Variants in CNTNAP2 observed in about 807,000 individuals in gnomAD.
The protein encoded by CNTNAP2 is contactin associated protein 2.
Under a neutral mutation model 155.2 loss-of-function variants are expected in CNTNAP2, and 98 were observed. The observed-to-expected ratio is 0.63, with a 90% CI of 0.54 to 0.75. The LOEUF (loss-of-function observed/expected upper bound fraction) is 0.75, where lower values mean the gene tolerates loss of function less well. CNTNAP2 is among the 30% of genes least tolerant of loss of function. CNTNAP2 has a pLI of 0.00. For synonymous variants in CNTNAP2, 651 were observed against 631.2 expected (o/e 1.03, Z -0.47); for missense variants, 1,727 against 1,688.1 (o/e 1.02, Z -0.40).
intron 13 of CNTNAP2, among the ~76,000 whole-genome samples, chr7:147,824,026 G>C (rs920282401): frequency 2.0e-5 from 3 of 152,084 alleles, no homozygotes; most frequent in African/African-American, 7.2e-5. Context: ...TATGGGGATG[G>C]CTTATCTATA....
At position 147,148,282 on chromosome 7, in the gene CNTNAP2, T is replaced by G. The variant is rs559676415; in HGVS notation, c.1348+15773T>G. Among the ~76,000 whole-genome samples, 835 of 147,138 alleles carry G rather than the reference T, an allele frequency of 5.7e-3. 11 individuals are homozygous for G. The highest frequency in any genetic ancestry group is 0.019 in the African/African-American group (768 of 39,898). On this transcript the variant is annotated intron_variant, in intron 8 of 23. Coordinates refer to ENST00000361727, the MANE Select transcript of CNTNAP2 (RefSeq NM_014141.6). ...GCGGGCGCCTGTAGTCCCAGCTACTTGGGAGGCTGAGGCAGGAGAATGGCG... is the reference window on the plus strand; with the variant it reads ...GCGGGCGCCTGTAGTCCCAGCTACTGGGGAGGCTGAGGCAGGAGAATGGCG...
intron 15 of CNTNAP2, among the ~76,000 whole-genome samples, chr7:148,024,339 TCTC>T (rs1173749632): frequency 6.6e-6 from 1 of 151,992 alleles, no homozygotes; most frequent in Non-Finnish European, 1.5e-5. Flanking sequence ...CATCCATTGT[TCTC>T]CTCCCTATCT....
intron 13 of CNTNAP2, among the ~76,000 whole-genome samples, chr7:147,744,050 A>G (rs2116491709): frequency 6.6e-6 from 1 of 152,374 alleles, no homozygotes; most frequent in Non-Finnish European, 1.5e-5. Flanking sequence ...TGAATATTAA[A>G]TGAGATAATG....
intron 3 of CNTNAP2, among the ~76,000 whole-genome samples, chr7:146,867,383 G>A (rs1378024360): frequency 6.6e-6 from 1 of 151,984 alleles, no homozygotes; most frequent in African/African-American, 2.4e-5. Context: ...TATATTTCAT[G>A]GTGTATATTT....
At chr7:147,106,015 G>A (rs1013532369) in intron 4 of CNTNAP2, among the ~76,000 whole-genome samples, 16 of 151,960 alleles carry the variant, frequency 1.1e-4, no homozygotes, top group African/African-American at 2.2e-4. Flanking sequence ...TAACATTTGC[G>A]TAAATCATTA....
chr7:147,582,909 C>A (rs1350793283), intron 12 of CNTNAP2, among the ~76,000 whole-genome samples: 1 of 152,112 alleles, frequency 6.6e-6, no homozygotes, highest in Admixed American at 6.6e-5. Flanking sequence ...TCCCCAGAGC[C>A]TATTTAATCA....
chr7:146,706,149 C>A (rs1295362420), intron 1 of CNTNAP2, among the ~76,000 whole-genome samples: 1 of 150,972 alleles, frequency 6.6e-6, no homozygotes. Flanking sequence ...CAAATGTTCC[C>A]TGAGAGTCAG....
chr7:147,163,653 G>T (rs1471569998), intron 8 of CNTNAP2, among the ~76,000 whole-genome samples: 1 of 148,784 alleles, frequency 6.7e-6, no homozygotes, highest in Non-Finnish European at 1.5e-5. Context: ...TTTAAGTCAG[G>T]CAATGTGTGA....
chr7:146,836,781 A>G (rs1436667898), intron 2 of CNTNAP2, among the ~76,000 whole-genome samples: 1 of 152,174 alleles, frequency 6.6e-6, no homozygotes, highest in Non-Finnish European at 1.5e-5. Flanking sequence ...AAAAACTTAT[A>G]TTTTTATAGT....
intron 8 of CNTNAP2, among the ~76,000 whole-genome samples, chr7:147,203,113 T>C (rs938641821): frequency 7.9e-5 from 12 of 152,230 alleles, no homozygotes; most frequent in Admixed American, 3.9e-4. Context: ...AATAGCACTT[T>C]AATACATTAA....
intron 2 of CNTNAP2, among the ~76,000 whole-genome samples, chr7:146,815,622 C>T (rs1474911162): frequency 2.0e-5 from 3 of 152,046 alleles, no homozygotes; most frequent in Non-Finnish European, 4.4e-5. Context: ...AGTGAGGAAA[C>T]TTATTGTATT....
At chr7:146,760,119 G>C (rs901774217) in intron 1 of CNTNAP2, among the ~76,000 whole-genome samples, 3 of 152,078 alleles carry the variant, frequency 2.0e-5, no homozygotes, top group African/African-American at 7.2e-5. Flanking sequence ...AATTAGATGT[G>C]AAGATACAAT....
chr7:146,624,909 G>A (rs1306355367), intron 1 of CNTNAP2, among the ~76,000 whole-genome samples: 1 of 151,848 alleles, frequency 6.6e-6, no homozygotes, highest in Non-Finnish European at 1.5e-5. Context: ...TAACAAAATA[G>A]TGATATTTTT....
chr7:146,978,532 G>A (rs905062700), intron 3 of CNTNAP2, among the ~76,000 whole-genome samples: 2 of 152,010 alleles, frequency 1.3e-5, no homozygotes, highest in African/African-American at 4.8e-5. Context: ...GAACATATTT[G>A]TCAAAAGACT....
chr7:147,827,340 C>A (rs775713327), intron 13 of CNTNAP2, among the ~76,000 whole-genome samples: 1 of 152,114 alleles, frequency 6.6e-6, no homozygotes, highest in Non-Finnish European at 1.5e-5. Flanking sequence ...GCCTTGCAAT[C>A]CAGTTAATCC....
chr7:147,104,646 T>A (rs187006990), intron 4 of CNTNAP2, among the ~76,000 whole-genome samples: 56 of 151,440 alleles, frequency 3.7e-4, no homozygotes, highest in Non-Finnish European at 4.6e-4. Context: ...ACATACTTTT[T>A]AATTTTTTCA....
chr7:147,868,326 T>C (rs1171300296), intron 13 of CNTNAP2, among the ~76,000 whole-genome samples: 4 of 152,270 alleles, frequency 2.6e-5, no homozygotes, highest in Non-Finnish European at 5.9e-5. Context: ...TGCTGCATGA[T>C]CCTTCCTCTG....
At chr7:147,176,099 C>G (rs2116487656) in intron 8 of CNTNAP2, among the ~76,000 whole-genome samples, 1 of 152,220 alleles carries the variant, frequency 6.6e-6, no homozygotes, top group South Asian at 2.1e-4. Context: ...ATAAGGATGG[C>G]TAGACCTGAA....
intron 1 of CNTNAP2, among the ~76,000 whole-genome samples, chr7:146,493,481 G>A (rs1563105714): frequency 6.6e-6 from 1 of 152,130 alleles, no homozygotes; most frequent in South Asian, 2.1e-4. Context: ...TTAAGGTGAT[G>A]TTTCCTGGAG....
Sources: allele counts gnomAD v4.1 joint callset (sites outside exome capture counted in the v4.1 genomes callset), GRCh38; gene constraint gnomAD v4.1.1; transcripts MANE v1.5; gene names NCBI Gene and HGNC (gene_info 2026-07-23, HGNC 2026-07-21).